Variants in GLT1D1 observed in about 807,000 individuals in gnomAD.
GLT1D1 encodes the protein glycosyltransferase 1 domain-containing protein 1.
GLT1D1 carries 21 observed loss-of-function variants against 28.7 expected under a neutral mutation model. The ratio of observed to expected loss-of-function variants is 0.73; its 90% CI spans 0.52 to 1.05. GLT1D1 has a LOEUF of 1.05. GLT1D1 is among the 50% of genes least tolerant of loss of function. GLT1D1 has a pLI of 0.00. For synonymous variants in GLT1D1, 147 were observed against 124.8 expected (o/e 1.18, Z -1.19); for missense variants, 343 against 330.6 (o/e 1.04, Z -0.29).
chr12:128,858,079 A>G (rs990437979), intron 1 of GLT1D1, among the ~76,000 whole-genome samples: 7 of 152,192 alleles, frequency 4.6e-5, no homozygotes, highest in Admixed American at 1.3e-4. Flanking sequence ...AAAAGAGTTA[A>G]TACACTTTCA....
intron 2 of GLT1D1, among the ~76,000 whole-genome samples, chr12:128,883,215 C>T (rs375836178): frequency 6.6e-6 from 1 of 151,886 alleles, no homozygotes; most frequent in South Asian, 2.1e-4. Context: ...TGAGCCACCA[C>T]GCCCAGCCTT....
chr12:128,934,485 C>T (rs933362578), intron 4 of GLT1D1, among the ~76,000 whole-genome samples: 4 of 152,304 alleles, frequency 2.6e-5, no homozygotes, highest in East Asian at 3.9e-4. Context: ...TGAGCCACTG[C>T]GCCCGGCCAG....
At chr12:128,936,941 A>G (rs886529900) in intron 4 of GLT1D1, among the ~76,000 whole-genome samples, 2 of 152,182 alleles carry the variant, frequency 1.3e-5, no homozygotes, top group Non-Finnish European at 2.9e-5. Flanking sequence ...TTGAAAGTGA[A>G]CTGATGTGGA....
chr12:128,928,009 A>AAAC (rs1873436882), intron 4 of GLT1D1, among the ~76,000 whole-genome samples: 2 of 149,044 alleles, frequency 1.3e-5, no homozygotes, highest in Non-Finnish European at 3.0e-5. Flanking sequence ...CAAAAAAAAA[A>AAAC]AAAAAAAAAA....
chr12:128,958,486 A>G (rs1877519384), intron 7 of GLT1D1, among the ~76,000 whole-genome samples: 1 of 151,516 alleles, frequency 6.6e-6, no homozygotes, highest in Admixed American at 6.6e-5. Context: ...CACGCCTGTA[A>G]TCCCAGCACT....
At chr12:128,958,304 T>G (rs900593642) in intron 7 of GLT1D1, among the ~76,000 whole-genome samples, 1 of 152,186 alleles carries the variant, frequency 6.6e-6, no homozygotes, top group African/African-American at 2.4e-5. Flanking sequence ...AAGCCCCACT[T>G]TCTCTTCTGG....
rs775289063 is a variant in GLT1D1, at chr12:128,899,239, TG to T, written c.328del (p.Ala110LeufsTer8). 6.2e-7 allele frequency: 1 copy of T among 1,611,500 alleles called. No homozygotes were observed. The highest frequency in any genetic ancestry group is 1.1e-5 in the South Asian group (1 of 91,036). On this transcript the variant is annotated frameshift_variant, in exon 4 of 8. Coordinates refer to ENST00000281703, the MANE Select transcript of GLT1D1 (RefSeq NM_144669.3). LOFTEE classifies it high-confidence loss of function. ...ATTATTTTTGTTCATTTACTAGATT[TG>T]CTGTCGCTTTCACAGAGTCAATGAA...
At chr12:128,959,421 C>CGGGGGGGGGG (rs1331322937) in intron 7 of GLT1D1, among the ~76,000 whole-genome samples, 1 of 9,942 alleles carries the variant, frequency 1.0e-4, no homozygotes. Context: ...TGGGGGGGGA[C>CGGGGGGGGGG]GGGTGGGGAG....
intron 1 of GLT1D1, among the ~76,000 whole-genome samples, chr12:128,869,012 G>A (rs976741779): frequency 6.6e-6 from 1 of 151,882 alleles, no homozygotes; most frequent in Non-Finnish European, 1.5e-5. Context: ...TGGGATTATA[G>A]GCATGCACTA....
At chr12:128,882,375 C>G (rs1478844089) in intron 2 of GLT1D1, among the ~76,000 whole-genome samples, 1 of 150,230 alleles carries the variant, frequency 6.7e-6, no homozygotes, top group Non-Finnish European at 1.5e-5. Flanking sequence ...CTCCCGGGTT[C>G]AAGCAGTTCT....
chr12:128,897,698 T>C (rs897761937), intron 3 of GLT1D1, among the ~76,000 whole-genome samples: 2 of 152,208 alleles, frequency 1.3e-5, no homozygotes, highest in African/African-American at 4.8e-5. Context: ...AGACAGAGTC[T>C]CGCTCTGTTG....
chr12:128,924,055 AC>A (rs1872929030), intron 4 of GLT1D1, among the ~76,000 whole-genome samples: 1 of 152,122 alleles, frequency 6.6e-6, no homozygotes. Context: ...ACACTTACAG[AC>A]GGCCCAACCC....
chr12:128,969,981 C>T (rs1400255900), intron 7 of GLT1D1, among the ~76,000 whole-genome samples: 2 of 152,148 alleles, frequency 1.3e-5, no homozygotes, highest in East Asian at 3.9e-4. Flanking sequence ...TGCCTGTGTG[C>T]GCTTCCTGGA....
chr12:128,880,942 C>T (rs60439873), intron 2 of GLT1D1, among the ~76,000 whole-genome samples: 4,754 of 151,998 alleles, frequency 0.031, 229 homozygotes, highest in African/African-American at 0.11. Context: ...TATTTGTAGT[C>T]GGCCGGGCGC....
At chr12:128,908,126 C>T (rs529293111) in intron 4 of GLT1D1, among the ~76,000 whole-genome samples, 17 of 152,136 alleles carry the variant, frequency 1.1e-4, no homozygotes, top group South Asian at 4.2e-4. Context: ...CTGTCCCCCA[C>T]GCTGGAGTGC....
intron 3 of GLT1D1, among the ~76,000 whole-genome samples, chr12:128,890,792 A>G (rs1868958126): frequency 2.6e-5 from 4 of 152,188 alleles, no homozygotes; most frequent in Admixed American, 2.0e-4. Flanking sequence ...TGAGGTCAGG[A>G]GTTCGAGACC....
At chr12:128,969,017 C>T (rs1460951583) in intron 7 of GLT1D1, among the ~76,000 whole-genome samples, 2 of 152,044 alleles carry the variant, frequency 1.3e-5, no homozygotes, top group Non-Finnish European at 2.9e-5. Flanking sequence ...CCTTGTCTGT[C>T]TCTGTAGCTC....
intron 4 of GLT1D1, among the ~76,000 whole-genome samples, chr12:128,908,515 C>G (rs1468928070): frequency 6.8e-6 from 1 of 146,466 alleles, no homozygotes; most frequent in South Asian, 2.1e-4. Flanking sequence ...ATCCTTCCTT[C>G]TTTCTTTCTT....
intron 5 of GLT1D1, 64 bp from the exon 10 acceptor site, chr12:128,947,274 C>T: frequency 6.2e-7 from 1 of 1,604,132 alleles, no homozygotes; most frequent in South Asian, 1.1e-5. Context: ...CATCTCTCCT[C>T]CTCCCAGCTG....
Sources: allele counts gnomAD v4.1 joint callset (sites outside exome capture counted in the v4.1 genomes callset), GRCh38; gene constraint gnomAD v4.1.1; transcripts MANE v1.5; gene names NCBI Gene and HGNC (gene_info 2026-07-23, HGNC 2026-07-21).